Variants in SHANK2 observed in about 807,000 individuals in gnomAD.
SHANK2 encodes SH3 and multiple ankyrin repeat domains 2, also known as SH3 and multiple ankyrin repeat domains protein 2.
A neutral mutation model predicts 133.7 loss-of-function variants in SHANK2; 43 were observed. The observed-to-expected ratio is 0.32, with a 90% CI of 0.25 to 0.41. SHANK2 has a LOEUF of 0.41. Among genes scored for constraint, SHANK2 ranks in the 10% least tolerant of loss-of-function variants. The pLI, the probability that SHANK2 is intolerant of heterozygous loss-of-function variation, is 1.00. For missense variants in SHANK2, 1,994 were observed against 2,235.8 expected (o/e 0.89, Z 2.18); for synonymous variants, 1,017 against 952.8 (o/e 1.07, Z -1.24).
intron 2 of SHANK2, among the ~76,000 whole-genome samples, chr11:71,208,751 T>G (rs1194353327): frequency 2.0e-5 from 3 of 152,090 alleles, no homozygotes; most frequent in Admixed American, 2.0e-4. Flanking sequence ...CCAAGGCAGG[T>G]TGGAGGCTTA....
At chr11:70,901,591 G>C (rs1333821267) in intron 10 of SHANK2, among the ~76,000 whole-genome samples, 1 of 152,034 alleles carries the variant, frequency 6.6e-6, no homozygotes, top group African/African-American at 2.4e-5. Context: ...ATAACATTTC[G>C]GTAATACAGA....
intron 10 of SHANK2, chr11:70,948,179 A>G: frequency 2.4e-6 from 1 of 419,382 alleles, no homozygotes; most frequent in Non-Finnish European, 4.9e-6. Context: ...TCCCAGCGTG[A>G]AGGAAACTCG....
At chr11:70,673,061 CA>C (rs1555016463) in intron 15 of SHANK2, among the ~76,000 whole-genome samples, 1 of 152,186 alleles carries the variant, frequency 6.6e-6, no homozygotes, top group African/African-American at 2.4e-5. Flanking sequence ...GTCTTTGATG[CA>C]GGCTGGGTGT....
chr11:70,938,607 C>T (rs1950602458), intron 10 of SHANK2, among the ~76,000 whole-genome samples: 1 of 152,186 alleles, frequency 6.6e-6, no homozygotes, highest in South Asian at 2.1e-4. Context: ...ATGTGCTGAG[C>T]ACAGGCAGTC....
chr11:71,110,315 G>A (rs1264807522), intron 5 of SHANK2, among the ~76,000 whole-genome samples: 1 of 152,184 alleles, frequency 6.6e-6, no homozygotes, highest in African/African-American at 2.4e-5. Flanking sequence ...GCGGGCACCT[G>A]TAGTCCCAGC....
At chr11:70,827,017 G>T (rs188415797) in intron 11 of SHANK2, among the ~76,000 whole-genome samples, 5 of 152,262 alleles carry the variant, frequency 3.3e-5, no homozygotes, top group Admixed American at 2.6e-4. Context: ...TAAAGAAAAA[G>T]CCAAGTTTGT....
chr11:70,863,312 A>C (rs971713100), intron 11 of SHANK2: 1 of 458,170 alleles, frequency 2.2e-6, no homozygotes. Flanking sequence ...ACCTGAGCTG[A>C]TGGCACAACT....
chr11:70,544,069 A>G (rs1554975734), intron 17 of SHANK2, among the ~76,000 whole-genome samples: 1 of 152,190 alleles, frequency 6.6e-6, no homozygotes, highest in Non-Finnish European at 1.5e-5. Flanking sequence ...GGCTGTTAGC[A>G]GACACGTTCC....
chr11:70,771,373 G>T (rs1385644881), intron 14 of SHANK2, among the ~76,000 whole-genome samples: 3 of 152,228 alleles, frequency 2.0e-5, no homozygotes, highest in African/African-American at 7.2e-5. Flanking sequence ...GGGGGCAGCT[G>T]GGTCCCTGGG....
At chr11:70,721,742 G>T (rs1281811817) in intron 14 of SHANK2, among the ~76,000 whole-genome samples, 3 of 152,230 alleles carry the variant, frequency 2.0e-5, no homozygotes, top group Non-Finnish European at 4.4e-5. Context: ...ACTTCCAAAG[G>T]TCCCACCCAA....
At chr11:70,907,748 A>G (rs1239795912) in intron 10 of SHANK2, 4 of 306,112 alleles carry the variant, frequency 1.3e-5, no homozygotes, top group African/African-American at 2.2e-5. Flanking sequence ...GCAGGATCGG[A>G]TTTTGGATAA....
rs889070054 is a variant in SHANK2 at position 70,479,788 on chromosome 11, G to A, written c.4979+5526C>T. On this transcript the variant is annotated intron_variant, in intron 25 of 25. Coordinates refer to ENST00000601538, the MANE Select transcript of SHANK2 (RefSeq NM_012309.5). This position sits in a 1 kb window ranked among gnomAD's most constrained non-coding sequence, Gnocchi z 4.4. The stretch of plus-strand genomic sequence containing the variant: ...AGATTTATCTGGCTTTACTATCGGC[G>A]CCTGGTATGTGTCAGTATCTCTCAA... Among the ~76,000 whole-genome samples the A allele has an allele frequency of 1.3e-5, 2 of 152,190 alleles. No homozygotes were observed. Among genetic ancestry groups the A allele is most frequent in the Admixed American group, 6.5e-5 (1 of 15,288 alleles).
intron 12 of SHANK2, among the ~76,000 whole-genome samples, chr11:70,815,180 A>G (rs1948364907): frequency 1.8e-4 from 1 of 5,630 alleles, no homozygotes; most frequent in African/African-American, 6.9e-4. Flanking sequence ...GAAGAAACAC[A>G]CACACACACA....
Position 71,061,126 on chromosome 11 carries a change from T to C in SHANK2, c.1030-4568A>G, listed in dbSNP as rs1950981508. On this transcript the variant is annotated intron_variant, in intron 9 of 25. Coordinates refer to ENST00000601538, the MANE Select transcript of SHANK2 (RefSeq NM_012309.5). ...CACTGTGGGAGGTGCAGGTCAAGACTGCAGGCCTGCTTACTTCATTTTAGG... is the reference window on the plus strand; with the variant it reads ...CACTGTGGGAGGTGCAGGTCAAGACCGCAGGCCTGCTTACTTCATTTTAGG... Among the ~76,000 whole-genome samples the C allele has an allele frequency of 1.3e-5, 2 of 152,256 alleles. 1 individual carries two copies. The highest frequency in any genetic ancestry group is 2.9e-5 in the Non-Finnish European group (2 of 68,042).
chr11:70,832,008 G>A (rs1421510536), intron 11 of SHANK2, among the ~76,000 whole-genome samples: 1 of 152,236 alleles, frequency 6.6e-6, no homozygotes, highest in Admixed American at 6.5e-5. Flanking sequence ...ACCCGAGCTC[G>A]TGTTTGAAGC....
intron 15 of SHANK2, among the ~76,000 whole-genome samples, chr11:70,687,318 A>T (rs1035710804): frequency 6.6e-6 from 1 of 152,226 alleles, no homozygotes; most frequent in Non-Finnish European, 1.5e-5. Flanking sequence ...GCTTCAGATC[A>T]GCACACTTCA....
At chr11:70,720,743 GAACA>G (rs1946057666) in intron 14 of SHANK2, among the ~76,000 whole-genome samples, 1 of 151,308 alleles carries the variant, frequency 6.6e-6, no homozygotes, top group African/African-American at 2.4e-5. Flanking sequence ...ACACGCATGT[GAACA>G]TACACACACA....
At chr11:71,181,564 G>A (rs1953556937) in intron 2 of SHANK2, among the ~76,000 whole-genome samples, 1 of 152,146 alleles carries the variant, frequency 6.6e-6, no homozygotes, top group South Asian at 2.1e-4. Flanking sequence ...GACAACCCCA[G>A]TGTCAAAGAA....
chr11:70,837,151 A>T (rs1186557026), intron 11 of SHANK2, among the ~76,000 whole-genome samples: 2 of 152,180 alleles, frequency 1.3e-5, no homozygotes, highest in Non-Finnish European at 2.9e-5. Context: ...CCACCAGTCT[A>T]TGGTATTTTT....
Sources: gnomAD v4.1 joint callset for allele counts (sites outside exome capture counted in the v4.1 genomes callset) on GRCh38, gnomAD v4.1.1 for gene constraint, Gnocchi (gnomAD v3.1) non-coding constraint, MANE v1.5 for transcripts, NCBI Gene and HGNC (gene_info 2026-07-23, HGNC 2026-07-21) for gene names.